Variants in BMP6 observed in about 807,000 individuals in gnomAD.
BMP6 encodes the protein bone morphogenetic protein 6.
In BMP6, 17 loss-of-function variants were observed where a neutral mutation model predicts 54.1. The ratio of observed to expected loss-of-function variants is 0.31; its 90% CI spans 0.22 to 0.47. The LOEUF (loss-of-function observed/expected upper bound fraction) is 0.47, where lower values mean the gene tolerates loss of function less well. Ranked by LOEUF, BMP6 falls within the 20% of genes least tolerant of loss-of-function variation. The probability of loss-of-function intolerance (pLI) is 1.00; values close to 1 mark genes in which losing one functional copy is unlikely to be tolerated. For synonymous variants in BMP6, 328 were observed against 291.2 expected, an observed-to-expected ratio of 1.13 and a Z score of -1.28; for missense variants, 720 against 690.4, an observed-to-expected ratio of 1.04 and a Z score of -0.48.
chr6:7,732,977 A>G (rs1761893019), intron 1 of BMP6, among the ~76,000 whole-genome samples: 1 of 151,482 alleles, frequency 6.6e-6, no homozygotes, highest in African/African-American at 2.4e-5. Flanking sequence ...GCTCACTGCA[A>G]CCTCTCCGTC....
intron 1 of BMP6, among the ~76,000 whole-genome samples, chr6:7,755,525 G>A (rs1018619555): frequency 6.6e-6 from 1 of 152,038 alleles, no homozygotes; most frequent in Admixed American, 6.5e-5. Flanking sequence ...ATGTTACAAA[G>A]CCCATAATAC....
chr6:7,870,365 G>A (rs530259971), intron 4 of BMP6, among the ~76,000 whole-genome samples: 22 of 152,346 alleles, frequency 1.4e-4, no homozygotes, highest in South Asian at 8.3e-4. Context: ...TGATTGCATC[G>A]TGCAGAAGGC....
chr6:7,777,694 G>C (rs1412946457), intron 1 of BMP6, among the ~76,000 whole-genome samples: 1 of 140,194 alleles, frequency 7.1e-6, no homozygotes, highest in African/African-American at 2.7e-5. Context: ...AAAAAAAAAA[G>C]GGAGAAAAAG....
intron 1 of BMP6, among the ~76,000 whole-genome samples, chr6:7,771,398 T>A (rs1757784339): frequency 6.6e-6 from 1 of 152,164 alleles, no homozygotes; most frequent in Non-Finnish European, 1.5e-5. Flanking sequence ...CTGCACTGAG[T>A]TGACCCAGAT....
At chr6:7,753,247 T>C (rs750744655) in intron 1 of BMP6, among the ~76,000 whole-genome samples, 1 of 152,328 alleles carries the variant, frequency 6.6e-6, no homozygotes, top group South Asian at 2.1e-4. Flanking sequence ...AGTCATCCAC[T>C]GACCTTTGCT....
chr6:7,772,669 A>G (rs1302134478), intron 1 of BMP6, among the ~76,000 whole-genome samples: 1 of 152,180 alleles, frequency 6.6e-6, no homozygotes, highest in Non-Finnish European at 1.5e-5. Flanking sequence ...ACCAGGATGC[A>G]AGAATCAATG....
chr6:7,869,515 G>A (rs1759486011), intron 4 of BMP6, among the ~76,000 whole-genome samples: 1 of 152,212 alleles, frequency 6.6e-6, no homozygotes, highest in South Asian at 2.1e-4. Flanking sequence ...GGAAGTCCCA[G>A]CCCAGCTAGC....
In BMP6 at chr6:7,825,733, A is replaced by C. The variant is rs529352290; in HGVS notation, c.665-19407A>C. On this transcript the variant is annotated intron_variant, in intron 1 of 6. Transcript: ENST00000283147. ...GAAAGTCCATCTCGAAAAAAAAAAA[A>C]CAAAAACCAAAAAAAAAACTTTAGT... 1.4e-4 allele frequency among the ~76,000 whole-genome samples: 20 copies of C among 147,808 alleles called. 1 individual carries two copies. In the East Asian group the frequency reaches 1.9e-3, roughly 14 times the overall value.
intron 1 of BMP6, among the ~76,000 whole-genome samples, chr6:7,772,716 G>A (rs1299105199): frequency 6.6e-6 from 1 of 152,138 alleles, no homozygotes; most frequent in East Asian, 1.9e-4. Flanking sequence ...CAGAATCCAT[G>A]AGGCTAAGTC....
chr6:7,809,541 G>T (rs1256116935), intron 1 of BMP6, among the ~76,000 whole-genome samples: 1 of 152,014 alleles, frequency 6.6e-6, no homozygotes, highest in Non-Finnish European at 1.5e-5. Flanking sequence ...GATGAAATGC[G>T]GTTTAAAAAT....
At chr6:7,767,093 T>C (rs1757704737) in intron 1 of BMP6, among the ~76,000 whole-genome samples, 2 of 151,928 alleles carry the variant, frequency 1.3e-5, no homozygotes, top group South Asian at 4.2e-4. Flanking sequence ...TTCACGCCAT[T>C]CTCCTGCCTC....
intron 1 of BMP6, among the ~76,000 whole-genome samples, chr6:7,837,130 T>C (rs923381403): frequency 1.3e-5 from 2 of 152,236 alleles, no homozygotes; most frequent in African/African-American, 4.8e-5. Context: ...GAGAGAATAA[T>C]GAATATGTGA....
At position 7,792,341 on chromosome 6, in the gene BMP6, A is replaced by T. The variant is rs117728380; in HGVS notation, c.665-52799A>T. On this transcript the variant is annotated intron_variant, in intron 1 of 6. Transcript: ENST00000283147. ...CACCTAGATTAGTGTTTGATTACAT[A>T]ACTGGGGACCGTACCCTTGCTCAGT... Among the ~76,000 whole-genome samples the T allele has an allele frequency of 3.8e-3, 586 of 152,310 alleles. 6 individuals are homozygous for T. Among genetic ancestry groups the T allele is most frequent in the East Asian group, 0.023 (121 of 5,186 alleles).
At chr6:7,734,231 A>G (rs886996756) in intron 1 of BMP6, among the ~76,000 whole-genome samples, 3 of 152,216 alleles carry the variant, frequency 2.0e-5, no homozygotes, top group African/African-American at 7.2e-5. Context: ...TATTGGTTAA[A>G]TGAGTTTGGG....
In BMP6 at chr6:7,861,519, A is replaced by G. The variant is rs1759334931; in HGVS notation, c.926A>G (p.Asp309Gly). The G allele has an allele frequency of 1.2e-6, 2 of 1,614,044 alleles. No homozygotes were observed. Among genetic ancestry groups the G allele is most frequent in the Non-Finnish European group, 1.7e-6 (2 of 1,180,034 alleles). The change falls in exon 3 of 7, where the codon GAC (aspartate) becomes GGC (glycine). Residue 309 changes from aspartate (D) to glycine (G), a missense_variant. This residue lies in a region of BMP6 where 650 missense variants were observed against 556.3 expected (regional missense o/e 1.17). Coordinates refer to ENST00000283147, the MANE Select transcript of BMP6 (RefSeq NM_001718.6). ...WASEEGWLEFDITATSNLWVV... is the reference protein window; with the variant it reads ...WASEEGWLEFGITATSNLWVV... ...TCAGAAGAAGGCTGGCTGGAATTTG[A>G]CATCACGGCCACTAGCAATCTGTGG...
intron 5 of BMP6, 149 bp from the exon 6 acceptor site, chr6:7,879,842 T>G (rs990440915): frequency 2.5e-5 from 20 of 811,330 alleles, no homozygotes; most frequent in Non-Finnish European, 3.9e-5. Context: ...GCCACTTGAA[T>G]GTGAACTTGG....
chr6:7,879,492 G>A (rs1365485878), intron 5 of BMP6, among the ~76,000 whole-genome samples: 2 of 152,162 alleles, frequency 1.3e-5, no homozygotes, highest in South Asian at 2.1e-4. Context: ...TTGAGACAGG[G>A]TTGGAAAAAA....
At chr6:7,844,999 C>A in intron 1 of BMP6, 141 bp from the exon 2 acceptor site, 1 of 668,312 alleles carries the variant, frequency 1.5e-6, no homozygotes, top group Non-Finnish European at 2.5e-6. Flanking sequence ...AGCCAGTGGT[C>A]TGTTCACTAC....
At chr6:7,802,643 T>A (rs6930972) in intron 1 of BMP6, among the ~76,000 whole-genome samples, 87,600 of 152,046 alleles carry the variant, frequency 0.58, 25,571 homozygotes, top group Admixed American at 0.63. Context: ...TGAGGAGGGA[T>A]GGGTGCTGCC....
Sources: allele counts gnomAD v4.1 joint callset (sites outside exome capture counted in the v4.1 genomes callset), GRCh38; gene constraint gnomAD v4.1.1; regional missense constraint gnomAD v4.1.1; transcripts MANE v1.5; gene names NCBI Gene and HGNC (gene_info 2026-07-23, HGNC 2026-07-21).